The following SPTBN4 variants were observed in gnomAD, a reference collection of about 807,000 sequenced individuals.
The protein encoded by SPTBN4 is spectrin beta, non-erythrocytic 4, also known as spectrin beta chain, non-erythrocytic 4.
A neutral mutation model predicts 277.8 loss-of-function variants in SPTBN4; 96 were observed. That is an observed-to-expected ratio of 0.35 (90% confidence interval 0.29 to 0.41). The LOEUF (loss-of-function observed/expected upper bound fraction) is 0.41, where lower values mean the gene tolerates loss of function less well. Among genes scored for constraint, SPTBN4 ranks in the 10% least tolerant of loss-of-function variants. The probability of loss-of-function intolerance (pLI) is 1.00; values close to 1 mark genes in which losing one functional copy is unlikely to be tolerated. For missense variants in SPTBN4, 3,006 were observed against 3,595.7 expected (o/e 0.84, Z 4.19); for synonymous variants, 1,481 against 1,580.3 (o/e 0.94, Z 1.49).
intron 6 of SPTBN4, 178 bp from the exon 7 acceptor site, chr19:40,497,311 G>A (rs942824090): frequency 2.2e-5 from 13 of 596,130 alleles, no homozygotes; most frequent in South Asian, 1.6e-4. Flanking sequence ...ACATGCCCGC[G>A]TCCATCACAC....
intron 20 of SPTBN4, among the ~76,000 whole-genome samples, chr19:40,546,316 G>C (rs2080860012): frequency 6.6e-6 from 1 of 151,972 alleles, no homozygotes. Context: ...TAATAAGACT[G>C]AGCATCTTTT....
intron 27 of SPTBN4, among the ~76,000 whole-genome samples, chr19:40,561,159 G>A (rs1024040970): frequency 6.6e-6 from 1 of 152,028 alleles, no homozygotes; most frequent in East Asian, 1.9e-4. Flanking sequence ...GACTACAGGC[G>A]CCCACCACCA....
chr19:40,483,383 T>C (rs981090369), intron 2 of SPTBN4, among the ~76,000 whole-genome samples: 37 of 152,118 alleles, frequency 2.4e-4, no homozygotes, highest in Non-Finnish European at 4.7e-4. Context: ...CACAAAAGTA[T>C]CTATCCCTTA....
Position 40,561,676 on chromosome 19 carries a change from G to A in SPTBN4, c.5915+1273G>A, listed in dbSNP as rs555438903. Among the ~76,000 whole-genome samples, 360 of 151,980 alleles carry A rather than the reference G, an allele frequency of 2.4e-3. 2 individuals are homozygous for A. The highest frequency in any genetic ancestry group is 8.5e-3 in the African/African-American group (352 of 41,456). ...GTCTCTACTAAAAATACAAAAATTAGCCAGGCATAGTGGTGGACACCTGTA... is the reference window on the plus strand; with the variant it reads ...GTCTCTACTAAAAATACAAAAATTAACCAGGCATAGTGGTGGACACCTGTA... On this transcript the variant is annotated intron_variant, in intron 27 of 35. Coordinates refer to ENST00000598249, the MANE Select transcript of SPTBN4 (RefSeq NM_020971.3).
intron 20 of SPTBN4, among the ~76,000 whole-genome samples, chr19:40,544,389 G>A (rs563817626): frequency 3.4e-5 from 5 of 145,280 alleles, no homozygotes; most frequent in East Asian, 2.0e-4. Context: ...TGATCCGCCC[G>A]CCTCAGCCTT....
chr19:40,512,197 T>C (rs1055504620), intron 13 of SPTBN4, among the ~76,000 whole-genome samples: 5 of 152,218 alleles, frequency 3.3e-5, no homozygotes, highest in Admixed American at 6.5e-5. Flanking sequence ...TTCACTCAAA[T>C]ATACAGAATC....
chr19:40,550,186 A>G, intron 21 of SPTBN4, 52 bp from the exon 22 acceptor site: 1 of 1,516,826 alleles, frequency 6.6e-7, no homozygotes, highest in Non-Finnish European at 9.1e-7. Context: ...GTTGCGATGC[A>G]GGGGTTCTTG....
Position 40,567,696 on chromosome 19 carries a change from C to A in SPTBN4, c.6370C>A (p.Pro2124Thr). 1.3e-6 allele frequency: 2 copies of A among 1,550,146 alleles called. No homozygotes were observed. Among genetic ancestry groups the A allele is most frequent in the Admixed American group, 1.9e-5 (1 of 51,396 alleles). The change falls in exon 31 of 36, where the codon CCG becomes ACG. Residue 2124 changes from proline to threonine, a missense_variant. Physicochemically the swap from Pro to Thr is conservative, Grantham distance 38 (BLOSUM62 -1). Transcript: ENST00000598249. ...AATCAAAGCGGAACAGAGCAAGCAG[C>A]CGCCTACCCCACTGCTGGGGCGCAA... Reference protein sequence around the residue: ...EKIKAEQSKQPPTPLLGRKFF... With the variant: ...EKIKAEQSKQTPTPLLGRKFF...
chr19:40,533,226 C>G (rs998502660), intron 19 of SPTBN4, among the ~76,000 whole-genome samples: 3 of 152,098 alleles, frequency 2.0e-5, no homozygotes. Flanking sequence ...GTGTTAACCT[C>G]TTGGAGCCTC....
intron 6 of SPTBN4, 60 bp downstream of exon 6, chr19:40,495,037 G>A: frequency 2.7e-6 from 4 of 1,496,476 alleles, no homozygotes; most frequent in Non-Finnish European, 2.8e-6. Flanking sequence ...CCCTGCAGCT[G>A]CACACCTGTA....
chr19:40,486,205 C>G (rs1342232127), intron 2 of SPTBN4, among the ~76,000 whole-genome samples: 1 of 151,924 alleles, frequency 6.6e-6, no homozygotes, highest in Admixed American at 6.6e-5. Context: ...ATGGGAGGAT[C>G]ACCTGAGGCT....
In SPTBN4 at chr19:40,474,612, T is replaced by C. The variant is rs370400933; in HGVS notation, c.169+1822T>C. Among the ~76,000 whole-genome samples the C allele has an allele frequency of 3.2e-4, 48 of 151,954 alleles. No homozygotes were observed. The East Asian group carries it at 3.3e-3, about 11-fold the overall frequency. On this transcript the variant is annotated intron_variant, in intron 2 of 35. Coordinates refer to ENST00000598249, the MANE Select transcript of SPTBN4 (RefSeq NM_020971.3). ...GCCTGGCTAATTAAAAATAATTTTTTTTTTTGGCGAAGCATGGTGGCGGAT... is the reference window on the plus strand; with the variant it reads ...GCCTGGCTAATTAAAAATAATTTTTCTTTTTGGCGAAGCATGGTGGCGGAT...
Position 40,560,392 on chromosome 19 carries a change from C to A in SPTBN4, c.5904C>A (p.Ala1968=). The change falls in exon 27 of 36, where the codon GCC becomes GCA. Residue 1968 remains alanine, a synonymous_variant. Transcript: ENST00000598249. The surrounding 1 kb of genome is among the most constrained non-coding windows in gnomAD (Gnocchi z 5.2). ...GCATCGCCAGCCAGATTGGGGCAGC[C>A]GACAAGCCCAGGTGCCCCTCATCCC... ...MDGIASQIGA[A]DKPRDVSSVE... is the part of the protein sequence containing the mutation. The A allele has an allele frequency of 6.2e-7, 1 of 1,614,068 alleles. No individual in the cohort carries two copies. The highest frequency in any genetic ancestry group is 8.5e-7 in the Non-Finnish European group (1 of 1,180,030).
intron 20 of SPTBN4, among the ~76,000 whole-genome samples, chr19:40,538,620 C>T (rs1434951988): frequency 6.6e-6 from 1 of 152,146 alleles, no homozygotes; most frequent in Non-Finnish European, 1.5e-5. Flanking sequence ...CAGTTTCTAC[C>T]TCTGTCACCC....
chr19:40,488,341 G>C (rs1480845265), intron 3 of SPTBN4, among the ~76,000 whole-genome samples: 2 of 152,122 alleles, frequency 1.3e-5, no homozygotes, highest in Non-Finnish European at 2.9e-5. Context: ...TAGGGACGCA[G>C]ACGGTGTCCT....
intron 17 of SPTBN4, among the ~76,000 whole-genome samples, chr19:40,528,068 AAAAAAAAAG>A (rs2080615166): frequency 6.6e-6 from 1 of 151,024 alleles, no homozygotes; most frequent in African/African-American, 2.4e-5. Context: ...AAAAAAAAAA[AAAAAAAAAG>A]GACTCTAAGG....
chr19:40,530,633 G>A (rs1224770192), intron 18 of SPTBN4: 1 of 952,692 alleles, frequency 1.0e-6, no homozygotes, highest in South Asian at 4.8e-5. Flanking sequence ...CGCACCCCGC[G>A]GACGCAGACA....
intron 2 of SPTBN4, among the ~76,000 whole-genome samples, chr19:40,482,294 C>A (rs1020374415): frequency 2.6e-5 from 4 of 151,792 alleles, no homozygotes; most frequent in African/African-American, 9.7e-5. Context: ...TGGTGTGGAA[C>A]TCCTGGCCTC....
chr19:40,492,368 T>C (rs1344725294), intron 4 of SPTBN4, among the ~76,000 whole-genome samples: 2 of 151,862 alleles, frequency 1.3e-5, no homozygotes, highest in African/African-American at 2.4e-5. Context: ...GTCCAGGACA[T>C]TGGAGTTGGG....
Sources: gnomAD v4.1 joint callset for allele counts (sites outside exome capture counted in the v4.1 genomes callset) on GRCh38, gnomAD v4.1.1 for gene constraint, Gnocchi (gnomAD v3.1) non-coding constraint, MANE v1.5 for transcripts, NCBI Gene and HGNC (gene_info 2026-07-23, HGNC 2026-07-21) for gene names.